Variants in NHLRC3 observed in about 807,000 individuals in gnomAD.
NHLRC3 encodes NHL repeat containing 3.
Under a neutral mutation model 32.0 loss-of-function variants are expected in NHLRC3, and 23 were observed. The observed-to-expected ratio is 0.72, with a 90% confidence interval of 0.52 to 1.02. The LOEUF (loss-of-function observed/expected upper bound fraction) is 1.02. NHLRC3 is among the 50% of genes least tolerant of loss of function. The pLI is 0.00. For missense variants in NHLRC3, 407 were observed against 406.8 expected (o/e 1.00, Z -0.01); for synonymous variants, 159 against 147.9 (o/e 1.08, Z -0.55).
At chr13:39,038,775 G>C in intron 1 of NHLRC3, 52 bp downstream of exon 1, 1 of 1,452,748 alleles carries the variant, frequency 6.9e-7, no homozygotes, top group Non-Finnish European at 9.7e-7. Context: ...AGCCCTGTTG[G>C]GAGGCGTCGC....
intron 3 of NHLRC3, 138 bp downstream of exon 3, chr13:39,039,849 A>G: frequency 1.5e-6 from 1 of 654,220 alleles, no homozygotes; most frequent in African/African-American, 1.8e-5. Flanking sequence ...CATGTTTTTA[A>G]CAAACTTTAT....
intron 5 of NHLRC3, 175 bp downstream of exon 5, chr13:39,044,356 C>G (rs1593552938): frequency 1.7e-6 from 1 of 593,188 alleles, no homozygotes; most frequent in Non-Finnish European, 3.0e-6. Flanking sequence ...GGTAATTACT[C>G]TGGGGCTGGG....
rs537315281 is a variant in NHLRC3 at position 39,039,768 on chromosome 13, T to C, written c.385+57T>C. ...ACTGGAAATCACATCTTTGCACATG[T>C]CCTTGTTTGTATTGTTTAAAATCAG... On this transcript the variant is annotated intron_variant, in intron 3 of 6. Coordinates refer to ENST00000379600, the MANE Select transcript of NHLRC3 (RefSeq NM_001012754.4). The C allele has an allele frequency of 1.6e-5, 20 of 1,290,016 alleles. No individual in the cohort carries two copies. In the South Asian group the frequency reaches 2.7e-4, roughly 17 times the overall value. The allele number at this position is 1,290,016 out of a possible 1,614,324, so 79.9% of individuals were successfully genotyped here. A position where few individuals can be genotyped will look rare whatever the true frequency, so the allele number is the denominator to read the frequency against.
intron 5 of NHLRC3, 111 bp from the exon 6 acceptor site, chr13:39,046,929 G>A: frequency 1.3e-6 from 1 of 752,044 alleles, no homozygotes; most frequent in African/African-American, 1.8e-5. Flanking sequence ...TACCTTCTTT[G>A]GAATCCTCTT....
rs1871787480 is a variant in NHLRC3 at position 39,048,719 on chromosome 13, A to G, written c.*793A>G. The G allele has an allele frequency of 6.6e-6, 1 of 152,222 alleles. No homozygotes were observed. Among genetic ancestry groups the G allele is most frequent in the South Asian group, 2.1e-4 (1 of 4,826 alleles). The allele number at this position is 152,222 out of a possible 1,614,324, so 9.4% of individuals were successfully genotyped here. A position where few individuals can be genotyped will look rare whatever the true frequency, so the allele number is the denominator to read the frequency against. ...TTAAAGCCCAACTTGGCTTCTGTCC[A>G]TTACCTATAAGATATTTAATGTCAG... On this transcript the variant is annotated 3_prime_UTR_variant, in exon 7 of 7. Coordinates refer to ENST00000379600, the MANE Select transcript of NHLRC3 (RefSeq NM_001012754.4).
At chr13:39,041,945 C>A (rs1020790645) in intron 3 of NHLRC3, 160 bp from the exon 4 acceptor site, 6 of 534,822 alleles carry the variant, frequency 1.1e-5, no homozygotes, top group Admixed American at 7.2e-5. Flanking sequence ...CTGTAATTTA[C>A]GAAGAAGCTA....
intron 4 of NHLRC3, 26 bp from the exon 5 acceptor site, chr13:39,044,064 T>C (rs374636987): frequency 6.7e-7 from 1 of 1,500,654 alleles, no homozygotes; most frequent in Non-Finnish European, 9.3e-7. Context: ...TATGTTGCTC[T>C]GACTATATAT....
At chr13:39,039,086 GT>G in intron 1 of NHLRC3, 49 bp from the exon 2 acceptor site, 1 of 387,962 alleles carries the variant, frequency 2.6e-6, no homozygotes, top group Non-Finnish European at 4.5e-6. Flanking sequence ...CCCTTTTTTT[GT>G]TCTTACCTAG....
At chr13:39,038,366 G>A (rs1871276251), upstream of NHLRC3, 3 of 507,434 alleles carry the variant, frequency 5.9e-6, no homozygotes, top group South Asian at 6.9e-5. Flanking sequence ...GGCGGGAAAG[G>A]GTGGTCACTG....
rs1181842490 is a variant in NHLRC3, at chr13:39,042,168, C to T, written c.449C>T (p.Thr150Ile). 1.2e-6 allele frequency: 2 copies of T among 1,612,162 alleles called. No homozygotes were observed. The highest frequency in any genetic ancestry group is 2.2e-5 in the East Asian group (1 of 44,790). ...SFGDLVQVLG[T>I]PGKKGTSLNP... ...GGTGATCTTGTTCAAGTCTTGGGTA[C>T]TCCAGGCAAAAAAGGCACTAGTTTG... Residue 150 changes from threonine (T) to isoleucine (I), a missense_variant, in exon 4 of 7, where the codon ACT becomes ATT. Coordinates refer to ENST00000379600, the MANE Select transcript of NHLRC3 (RefSeq NM_001012754.4).
At chr13:39,044,238 T>G (rs796326724) in intron 5 of NHLRC3, 57 bp downstream of exon 5, 9 of 827,078 alleles carry the variant, frequency 1.1e-5, no homozygotes, top group South Asian at 6.6e-5. Context: ...TTTGTGTGTG[T>G]GTGTGTGTGT....
chr13:39,046,863 A>G (rs1871698231), intron 5 of NHLRC3, among the ~76,000 whole-genome samples, 177 bp from the exon 6 acceptor site: 1 of 152,252 alleles, frequency 6.6e-6, no homozygotes, highest in East Asian at 1.9e-4. Flanking sequence ...AGCTCACTTC[A>G]GAGACGGCAA....
rs2138148422 is a variant in NHLRC3 at position 39,039,144 on chromosome 13, G to A, written c.93G>A (p.Arg31=). ...HSRFCGSPVL[R]NFTFAVSWRT... is the part of the protein sequence containing the mutation. ...GTCTGATTTTGTTTAAGGTTTTGAG[G>A]AACTTTACTTTTGCAGTTTCCTGGA... Residue 31 remains arginine (R), a synonymous_variant, in exon 2 of 7, where the codon AGG becomes AGA. Coordinates refer to ENST00000379600, the MANE Select transcript of NHLRC3 (RefSeq NM_001012754.4). 1 of 1,608,314 alleles carries A rather than the reference G, an allele frequency of 6.2e-7. No homozygotes were observed. Among genetic ancestry groups the A allele is most frequent in the East Asian group, 2.2e-5 (1 of 44,550 alleles).
intron 1 of NHLRC3, 58 bp from the exon 2 acceptor site, chr13:39,039,078 C>CCCATT: frequency 9.6e-7 from 1 of 1,038,068 alleles, no homozygotes; most frequent in Non-Finnish European, 1.4e-6. Flanking sequence ...CCCCCCCGCC[C>CCCATT]TTTTTTTGTT....
chr13:39,046,051 C>T lies in NHLRC3; in HGVS notation c.679-989C>T, dbSNP rs141198123. 1.8e-3 allele frequency among the ~76,000 whole-genome samples: 267 copies of T among 152,266 alleles called. 2 individuals are homozygous for T. The highest frequency in any genetic ancestry group is 6.2e-3 in the African/African-American group (258 of 41,540). ...CAAGTCATCAAAAACCATTTCCTGCCGGGTGCGGTGGCTCACGCTTGTAAT... is the reference window on the plus strand; with the variant it reads ...CAAGTCATCAAAAACCATTTCCTGCTGGGTGCGGTGGCTCACGCTTGTAAT... On this transcript the variant is annotated intron_variant, in intron 5 of 6. Coordinates refer to ENST00000379600, the MANE Select transcript of NHLRC3 (RefSeq NM_001012754.4).
chr13:39,041,056 C>T (rs891190435), intron 3 of NHLRC3: 11 of 152,120 alleles, frequency 7.2e-5, no homozygotes, highest in Non-Finnish European at 1.0e-4. Context: ...TTCCTTGATT[C>T]CCAGAAATAA....
In NHLRC3 at chr13:39,049,979, C is replaced by T. The variant is rs990934137; in HGVS notation, c.*2053C>T. 3.9e-5 allele frequency: 6 copies of T among 151,904 alleles called. No individual in the cohort carries two copies. The highest frequency in any genetic ancestry group is 7.4e-5 in the Non-Finnish European group (5 of 67,960). The allele number at this position is 151,904 out of a possible 1,614,324, so 9.4% of individuals were successfully genotyped here. On this transcript the variant is annotated 3_prime_UTR_variant, in exon 7 of 7. Coordinates refer to ENST00000379600, the MANE Select transcript of NHLRC3 (RefSeq NM_001012754.4). ...GTGATTATAGTACTTCACTTTTTTC[C>T]TTTGGATTAATTGGTTAAATGAATG...
intron 6 of NHLRC3, 89 bp from the exon 7 acceptor site, chr13:39,047,584 GT>G: frequency 2.0e-6 from 2 of 1,009,194 alleles, no homozygotes; most frequent in Non-Finnish European, 2.9e-6. Flanking sequence ...GCCTACTGTT[GT>G]TTGGCACAGT....
At position 39,047,074 on chromosome 13, in the gene NHLRC3, A is replaced by G. The variant is rs756074799; in HGVS notation, c.713A>G (p.Gln238Arg). 32 of 1,612,990 alleles carry G rather than the reference A, an allele frequency of 2.0e-5. 1 individual carries two copies. In the South Asian group the frequency reaches 3.5e-4, roughly 18 times the overall value. Residue 238 changes from glutamine (Q) to arginine (R), a missense_variant, in exon 6 of 7, where the codon CAA becomes CGA. Coordinates refer to ENST00000379600, the MANE Select transcript of NHLRC3 (RefSeq NM_001012754.4). ...GCTGACCGAGGAAATAAAAGAATCC[A>G]AGTATTTGATAAAGACACTGGGGAG... ...WVADRGNKRI[Q>R]VFDKDTGEWL...
Sources: allele counts gnomAD v4.1 joint callset (sites outside exome capture counted in the v4.1 genomes callset), GRCh38; gene constraint gnomAD v4.1.1; transcripts MANE v1.5; gene names NCBI Gene and HGNC (gene_info 2026-07-23, HGNC 2026-07-21).